The following AUTS2 variants were observed in gnomAD, a reference collection of about 807,000 sequenced individuals.
AUTS2 encodes the protein autism susceptibility gene 2 protein.
AUTS2 carries 17 observed loss-of-function variants against 112.4 expected under a neutral mutation model. The ratio of observed to expected loss-of-function variants is 0.15; its 90% CI spans 0.10 to 0.23. The LOEUF is 0.23. AUTS2 is among the 10% of genes least tolerant of loss of function. The pLI is 1.00. For synonymous variants in AUTS2, 751 were observed against 702.7 expected (o/e 1.07, Z -1.09); for missense variants, 1,510 against 1,701.6 (o/e 0.89, Z 1.98).
chr7:70,168,496 A>T (rs1808500469), intron 4 of AUTS2, among the ~76,000 whole-genome samples: 1 of 152,072 alleles, frequency 6.6e-6, no homozygotes, highest in African/African-American at 2.4e-5. Flanking sequence ...TTGTATTTTT[A>T]GTAGAGACAG....
chr7:70,753,138 C>A (rs1788973876), intron 6 of AUTS2, among the ~76,000 whole-genome samples: 1 of 152,094 alleles, frequency 6.6e-6, no homozygotes, highest in South Asian at 2.1e-4. Context: ...TAACCCCTAT[C>A]AGGGTTAATC....
chr7:69,956,348 C>T (rs939756453), intron 2 of AUTS2, among the ~76,000 whole-genome samples: 1 of 152,146 alleles, frequency 6.6e-6, no homozygotes, highest in African/African-American at 2.4e-5. Context: ...CTTACATGTA[C>T]TCATATAAAA....
At position 70,766,039 on chromosome 7, in the gene AUTS2, C is replaced by T; in HGVS notation, c.1469-75C>T. ...TGCCACTGTGTCACCAGCCCCGTAC[C>T]CCTCCACAGGAAGGCAGTCCGATGT... On this transcript the variant is annotated intron_variant, in intron 8 of 18. Transcript: ENST00000342771. This position sits in a 1 kb window ranked among gnomAD's most constrained non-coding sequence, Gnocchi z 4.8. 1 of 1,563,088 alleles carries T rather than the reference C, an allele frequency of 6.4e-7. No homozygotes were observed. Among genetic ancestry groups the T allele is most frequent in the Non-Finnish European group, 8.7e-7 (1 of 1,151,644 alleles).
intron 5 of AUTS2, among the ~76,000 whole-genome samples, chr7:70,570,795 C>G (rs1028165582): frequency 2.0e-5 from 3 of 152,222 alleles, no homozygotes; most frequent in African/African-American, 7.2e-5. Context: ...CATCTGATCT[C>G]TTGTCTTTCA....
intron 2 of AUTS2, among the ~76,000 whole-genome samples, chr7:70,095,248 CATATT>C (rs1173332604): frequency 6.6e-6 from 1 of 152,070 alleles, no homozygotes; most frequent in Non-Finnish European, 1.5e-5. Context: ...GATTGGATCA[CATATT>C]AAGAGTGTGT....
intron 1 of AUTS2, among the ~76,000 whole-genome samples, chr7:69,804,013 C>G (rs1180764125): frequency 6.6e-6 from 1 of 152,208 alleles, no homozygotes; most frequent in Non-Finnish European, 1.5e-5. Flanking sequence ...GCCTGGGTGA[C>G]AGAGTGAGAC....
intron 2 of AUTS2, among the ~76,000 whole-genome samples, chr7:69,931,507 CT>C: frequency 6.6e-6 from 1 of 152,224 alleles, no homozygotes; most frequent in East Asian, 1.9e-4. Context: ...AGAATGTCTC[CT>C]TTTTCTGTTC....
At chr7:70,505,143 G>A (rs1012276295) in intron 5 of AUTS2, among the ~76,000 whole-genome samples, 7 of 152,178 alleles carry the variant, frequency 4.6e-5, no homozygotes, top group Admixed American at 1.3e-4. Context: ...TCCACTCAGC[G>A]CTCAATAGAT....
chr7:70,112,328 A>T (rs965698046), intron 2 of AUTS2, among the ~76,000 whole-genome samples: 2 of 151,956 alleles, frequency 1.3e-5, no homozygotes, highest in Non-Finnish European at 2.9e-5. Flanking sequence ...AAGTCTGTTC[A>T]TATAATTTTT....
chr7:70,185,965 T>C lies in AUTS2; in HGVS notation c.660+51394T>C, dbSNP rs148312808. ...TTACATAAAAAACAAATAGATCTGTTTTGGGAAATGAAGATTTTCAAAAGA... is the reference window on the plus strand; with the variant it reads ...TTACATAAAAAACAAATAGATCTGTCTTGGGAAATGAAGATTTTCAAAAGA... On this transcript the variant is annotated intron_variant, in intron 4 of 18. Coordinates refer to ENST00000342771, the MANE Select transcript of AUTS2 (RefSeq NM_015570.4). 6.0e-3 allele frequency among the ~76,000 whole-genome samples: 909 copies of C among 152,302 alleles called. 6 individuals are homozygous for C. The highest frequency in any genetic ancestry group is 0.011 in the Non-Finnish European group (751 of 68,012).
chr7:69,757,436 T>A (rs1490246924), intron 1 of AUTS2, among the ~76,000 whole-genome samples: 1 of 152,230 alleles, frequency 6.6e-6, no homozygotes, highest in Non-Finnish European at 1.5e-5. Context: ...ATATAGTGTT[T>A]AACCTGATAT....
intron 4 of AUTS2, among the ~76,000 whole-genome samples, chr7:70,374,276 G>T: frequency 6.6e-6 from 1 of 152,134 alleles, no homozygotes; most frequent in Admixed American, 6.5e-5. Flanking sequence ...AAAGAAAAAT[G>T]ATGATAACAT....
intron 4 of AUTS2, among the ~76,000 whole-genome samples, chr7:70,428,062 G>C (rs1264294220): frequency 2.6e-5 from 4 of 152,136 alleles, no homozygotes; most frequent in Non-Finnish European, 5.9e-5. Flanking sequence ...TTTTATCTGA[G>C]CTATTTTATT....
chr7:70,011,348 T>C (rs1205987214), intron 2 of AUTS2, among the ~76,000 whole-genome samples: 1 of 142,702 alleles, frequency 7.0e-6, no homozygotes, highest in Non-Finnish European at 1.5e-5. Context: ...TCCTCTCCTC[T>C]CCTCTCCTCT....
At chr7:69,730,174 A>AT (rs1310637714) in intron 1 of AUTS2, among the ~76,000 whole-genome samples, 4 of 150,286 alleles carry the variant, frequency 2.7e-5, no homozygotes, top group Non-Finnish European at 5.9e-5. Context: ...TGTCATGAGT[A>AT]TTTTTTCCAA....
intron 4 of AUTS2, among the ~76,000 whole-genome samples, chr7:70,432,467 A>G (rs1002767473): frequency 1.3e-5 from 2 of 152,238 alleles, no homozygotes; most frequent in African/African-American, 4.8e-5. Context: ...GAGACCATGA[A>G]TTCTACCCAC....
chr7:70,656,653 C>G (rs1002644228), intron 5 of AUTS2, among the ~76,000 whole-genome samples: 1 of 152,212 alleles, frequency 6.6e-6, no homozygotes, highest in Admixed American at 6.5e-5. Context: ...TACCAGCCTT[C>G]ACAGAGTTGG....
In AUTS2 at chr7:69,718,299, C is replaced by G. The variant is rs542852912; in HGVS notation, c.309+118337C>G. Among the ~76,000 whole-genome samples the G allele has an allele frequency of 3.6e-4, 55 of 152,322 alleles. 1 individual carries two copies. The highest frequency in any genetic ancestry group is 6.8e-3 in the Middle Eastern group (2 of 294). On this transcript the variant is annotated intron_variant, in intron 1 of 18. Transcript: ENST00000342771. ...TACCACAAACATAGTGACTTAAAAA[C>G]AACACAAACTTTTATCTTACATTTT...
At chr7:70,061,789 T>C (rs958706158) in intron 2 of AUTS2, among the ~76,000 whole-genome samples, 1 of 151,884 alleles carries the variant, frequency 6.6e-6, no homozygotes, top group African/African-American at 2.4e-5. Flanking sequence ...TTCTTTTTTT[T>C]TTTTTTGCTC....
Sources: allele counts gnomAD v4.1 joint callset (sites outside exome capture counted in the v4.1 genomes callset), GRCh38; gene constraint gnomAD v4.1.1; non-coding constraint Gnocchi (gnomAD v3.1); transcripts MANE v1.5; gene names NCBI Gene and HGNC (gene_info 2026-07-23, HGNC 2026-07-21).